The following AP3S1 variants were observed in gnomAD, a reference collection of about 807,000 sequenced individuals.
AP3S1 encodes the protein AP-3 complex subunit sigma-1.
A neutral mutation model predicts 21.3 loss-of-function variants in AP3S1; 12 were observed. The ratio of observed to expected loss-of-function variants is 0.56; its 90% CI spans 0.36 to 0.91. The LOEUF is 0.91. AP3S1 is among the 40% of genes least tolerant of loss of function. The pLI, the probability that AP3S1 is intolerant of heterozygous loss-of-function variation, is 0.01. For missense variants in AP3S1, 116 were observed against 225.0 expected (o/e 0.52, Z 3.10); for synonymous variants, 48 against 78.4 (o/e 0.61, Z 2.05).
rs575762086 is a variant in AP3S1, at chr5:115,864,087, C to A, written c.70-2583C>A. On this transcript the variant is annotated intron_variant, in intron 1 of 5. Coordinates refer to ENST00000316788, the MANE Select transcript of AP3S1 (RefSeq NM_001284.4). ...AGGATTTAAAGTTGGAAGGGATAGG[C>A]TAACTCTACTGTTTTGTGCAAATGC... Among the ~76,000 whole-genome samples the A allele has an allele frequency of 5.9e-5, 9 of 152,306 alleles. No individual in the cohort carries two copies. The South Asian group carries it at 1.5e-3, about 25-fold the overall frequency.
chr5:115,855,950 C>T (rs1024031180), intron 1 of AP3S1, among the ~76,000 whole-genome samples: 1 of 151,882 alleles, frequency 6.6e-6, no homozygotes, highest in Non-Finnish European at 1.5e-5. Context: ...AGGAGGGAAA[C>T]GTAGGAAAAG....
intron 1 of AP3S1, among the ~76,000 whole-genome samples, chr5:115,858,913 TTTAAC>T (rs1249051049): frequency 6.6e-6 from 1 of 151,210 alleles, no homozygotes; most frequent in Non-Finnish European, 1.5e-5. Context: ...CTATTTTATG[TTTAAC>T]TTTTTAAAAA....
chr5:115,861,016 C>T (rs1184899917), intron 1 of AP3S1, among the ~76,000 whole-genome samples: 1 of 152,100 alleles, frequency 6.6e-6, no homozygotes, highest in East Asian at 1.9e-4. Flanking sequence ...TCTACATCAG[C>T]CACTTTGCTG....
At position 115,892,172 on chromosome 5, in the gene AP3S1, G is replaced by A. The variant is rs184568572; in HGVS notation, c.274-2915G>A. Among the ~76,000 whole-genome samples the A allele has an allele frequency of 2.5e-3, 382 of 152,266 alleles. 3 individuals are homozygous for A. The highest frequency in any genetic ancestry group is 8.7e-3 in the African/African-American group (360 of 41,552). Reference sequence around the variant, plus strand: ...CAAAGTCAGGCAATAATAAATGCTGGCAAGGATGTGGAGAAAAGGGAACCC... The same window carrying A: ...CAAAGTCAGGCAATAATAAATGCTGACAAGGATGTGGAGAAAAGGGAACCC... On this transcript the variant is annotated intron_variant, in intron 3 of 5. Coordinates refer to ENST00000316788, the MANE Select transcript of AP3S1 (RefSeq NM_001284.4).
rs2112744256 is a variant in AP3S1 at position 115,841,974 on chromosome 5, GC to G, written c.-63del. On this transcript the variant is annotated 5_prime_UTR_variant, in exon 1 of 6. Coordinates refer to ENST00000316788, the MANE Select transcript of AP3S1 (RefSeq NM_001284.4). ...GAAGGATCGCAGGCGAGATTACGAGGCGAGGCTCGCGCGCCCGCCCCCGCCC... is the reference window on the plus strand; with the variant it reads ...GAAGGATCGCAGGCGAGATTACGAGGGAGGCTCGCGCGCCCGCCCCCGCCC... 6.6e-7 allele frequency: 1 copy of G among 1,520,026 alleles called. No individual in the cohort carries two copies. Among genetic ancestry groups the G allele is most frequent in the East Asian group, 2.5e-5 (1 of 39,910 alleles). The allele number at this position is 1,520,026 out of a possible 1,614,324, so 94.2% of individuals were successfully genotyped here. A position where few individuals can be genotyped will look rare whatever the true frequency, so the allele number is the denominator to read the frequency against.
intron 3 of AP3S1, among the ~76,000 whole-genome samples, chr5:115,878,412 T>C (rs1748932131): frequency 1.3e-5 from 2 of 150,664 alleles, no homozygotes; most frequent in South Asian, 4.2e-4. Flanking sequence ...TTCAGTTTTC[T>C]GCATATGGCT....
At chr5:115,850,383 A>AT (rs1179797329) in intron 1 of AP3S1, among the ~76,000 whole-genome samples, 1 of 152,248 alleles carries the variant, frequency 6.6e-6, no homozygotes, top group African/African-American at 2.4e-5. Flanking sequence ...AAAATTTATC[A>AT]TTTTAACAGT....
chr5:115,853,809 A>G (rs1261922410), intron 1 of AP3S1, among the ~76,000 whole-genome samples: 1 of 152,106 alleles, frequency 6.6e-6, no homozygotes, highest in Non-Finnish European at 1.5e-5. Context: ...AGCTACCACC[A>G]TGGTTGACTC....
intron 3 of AP3S1, among the ~76,000 whole-genome samples, chr5:115,882,576 C>T (rs189541130): frequency 7.1e-4 from 108 of 152,310 alleles, no homozygotes; most frequent in African/African-American, 2.3e-3. Context: ...CTGGAAGGTT[C>T]GTCCCAGAGG....
chr5:115,911,620 C>A (rs1752117568), intron 5 of AP3S1, among the ~76,000 whole-genome samples: 1 of 151,986 alleles, frequency 6.6e-6, no homozygotes, highest in Non-Finnish European at 1.5e-5. Context: ...AAAAGAAAGC[C>A]AAAAGATGGT....
chr5:115,862,078 G>A (rs545344981), intron 1 of AP3S1, among the ~76,000 whole-genome samples: 10 of 151,882 alleles, frequency 6.6e-5, no homozygotes, highest in South Asian at 2.1e-4. Context: ...ATTCCATTCC[G>A]TAATTATCCT....
At chr5:115,870,151 C>G in intron 3 of AP3S1, 23 bp downstream of exon 3, 1 of 1,088,302 alleles carries the variant, frequency 9.2e-7, no homozygotes. Flanking sequence ...TTGCTTCTTA[C>G]TATCTTAAAT....
intron 5 of AP3S1, among the ~76,000 whole-genome samples, chr5:115,906,044 G>C (rs1313004597): frequency 6.6e-6 from 1 of 152,142 alleles, no homozygotes; most frequent in East Asian, 1.9e-4. Context: ...TGTAATCCTA[G>C]TTGCTCTGGA....
At chr5:115,869,885 C>A in intron 2 of AP3S1, 132 bp from the exon 3 acceptor site, 1 of 546,204 alleles carries the variant, frequency 1.8e-6, no homozygotes, top group Non-Finnish European at 3.2e-6. Flanking sequence ...AATAAGTTCA[C>A]TTAAATACTT....
chr5:115,858,251 G>T (rs779562500), intron 1 of AP3S1, among the ~76,000 whole-genome samples: 2 of 152,110 alleles, frequency 1.3e-5, no homozygotes, highest in African/African-American at 2.4e-5. Flanking sequence ...TTGTGATCTG[G>T]CATGCTGCCC....
intron 1 of AP3S1, chr5:115,842,710 C>A (rs1056361390): frequency 2.0e-5 from 3 of 152,370 alleles, no homozygotes; most frequent in African/African-American, 7.2e-5. Context: ...TGTTTCGATA[C>A]GTGACAGACT....
intron 3 of AP3S1, among the ~76,000 whole-genome samples, chr5:115,883,486 GTGAGA>G: frequency 6.6e-6 from 1 of 152,172 alleles, no homozygotes; most frequent in Admixed American, 6.5e-5. Context: ...CGCTTCCTAG[GTGAGA>G]TGATGCCCCA....
chr5:115,894,945 T>C (rs984576415), intron 3 of AP3S1, 142 bp from the exon 4 acceptor site: 2 of 547,594 alleles, frequency 3.7e-6, no homozygotes, highest in Non-Finnish European at 6.4e-6. Flanking sequence ...TTTTACTTTT[T>C]TTGCATTAAT....
intron 1 of AP3S1, among the ~76,000 whole-genome samples, chr5:115,866,279 A>T (rs967290316): frequency 6.6e-6 from 1 of 152,188 alleles, no homozygotes; most frequent in Non-Finnish European, 1.5e-5. Flanking sequence ...TCTTTCCTCC[A>T]TTCAAATATA....
Sources: gnomAD v4.1 joint callset for allele counts (sites outside exome capture counted in the v4.1 genomes callset) on GRCh38, gnomAD v4.1.1 for gene constraint, MANE v1.5 for transcripts, NCBI Gene and HGNC (gene_info 2026-07-23, HGNC 2026-07-21) for gene names.